The following NAALADL2 variants were observed in gnomAD, a reference collection of about 807,000 sequenced individuals.
NAALADL2 encodes the protein inactive N-acetylated-alpha-linked acidic dipeptidase-like protein 2.
Under a neutral mutation model 87.2 loss-of-function variants are expected in NAALADL2, and 76 were observed. The ratio of observed to expected loss-of-function variants is 0.87; its 90% CI spans 0.72 to 1.05. The LOEUF (loss-of-function observed/expected upper bound fraction) is 1.05, where lower values mean the gene tolerates loss of function less well. Ranked by LOEUF, NAALADL2 falls within the 50% of genes least tolerant of loss-of-function variation. The pLI is 0.00. For missense variants in NAALADL2, 1,089 were observed against 945.8 expected, an observed-to-expected ratio of 1.15 and a Z score of -1.99; for synonymous variants, 354 against 331.0, an observed-to-expected ratio of 1.07 and a Z score of -0.75.
At chr3:175,343,920 G>GCAA (rs1338406350) in intron 5 of NAALADL2, among the ~76,000 whole-genome samples, 1 of 151,848 alleles carries the variant, frequency 6.6e-6, no homozygotes, top group African/African-American at 2.4e-5. Context: ...GAAAGAGAAA[G>GCAA]CAACTAAACC....
At chr3:175,682,666 A>C (rs564096860) in intron 11 of NAALADL2, among the ~76,000 whole-genome samples, 6 of 152,056 alleles carry the variant, frequency 3.9e-5, no homozygotes, top group Non-Finnish European at 5.9e-5. Flanking sequence ...ATAGCCCCTT[A>C]AACAACTTAT....
intron 11 of NAALADL2, among the ~76,000 whole-genome samples, chr3:175,657,459 A>C (rs1731627825): frequency 6.6e-6 from 1 of 152,140 alleles, no homozygotes; most frequent in Non-Finnish European, 1.5e-5. Flanking sequence ...AAAGACATTA[A>C]AATAAAATGT....
intron 3 of NAALADL2, among the ~76,000 whole-genome samples, chr3:175,245,696 G>A (rs1747847588): frequency 6.6e-6 from 1 of 152,134 alleles, no homozygotes; most frequent in African/African-American, 2.4e-5. Context: ...ATAAAATTGA[G>A]AAGTCACCCC....
intron 2 of NAALADL2, among the ~76,000 whole-genome samples, chr3:174,576,562 G>A (rs188144065): frequency 1.3e-5 from 2 of 152,272 alleles, no homozygotes; most frequent in East Asian, 1.9e-4. Context: ...TGCATTATAT[G>A]TATTTACTGC....
At chr3:175,641,308 G>A (rs2149759555) in intron 11 of NAALADL2, among the ~76,000 whole-genome samples, 1 of 152,160 alleles carries the variant, frequency 6.6e-6, no homozygotes, top group Non-Finnish European at 1.5e-5. Context: ...CTTACTTTTT[G>A]TAAGTTGTAA....
At chr3:175,004,126 AGCACTGGGAG>A (rs1748668857) in intron 1 of NAALADL2, among the ~76,000 whole-genome samples, 1 of 152,172 alleles carries the variant, frequency 6.6e-6, no homozygotes, top group African/African-American at 2.4e-5. Flanking sequence ...CTGTAATCCC[AGCACTGGGAG>A]GCCAAGGCAG....
chr3:175,468,458 T>A (rs1249380818), intron 8 of NAALADL2, among the ~76,000 whole-genome samples: 3 of 152,046 alleles, frequency 2.0e-5, no homozygotes, highest in Non-Finnish European at 4.4e-5. Context: ...TAAAGAACAG[T>A]TTAGGGAATA....
intron 1 of NAALADL2, among the ~76,000 whole-genome samples, chr3:174,461,856 T>C (rs1402857271): frequency 6.6e-6 from 1 of 152,054 alleles, no homozygotes; most frequent in Non-Finnish European, 1.5e-5. Flanking sequence ...TGTGAATGTG[T>C]GTGAGTTTAT....
intron 9 of NAALADL2, among the ~76,000 whole-genome samples, chr3:175,565,254 A>G (rs755224787): frequency 3.3e-5 from 5 of 152,222 alleles, no homozygotes; most frequent in Non-Finnish European, 5.9e-5. Context: ...GTAAAATGAA[A>G]TAAAAAGAAC....
intron 11 of NAALADL2, among the ~76,000 whole-genome samples, chr3:175,702,086 A>G (rs971548366): frequency 1.3e-5 from 2 of 152,148 alleles, no homozygotes; most frequent in Non-Finnish European, 1.5e-5. Context: ...CAGAAAATTT[A>G]TGAATATGTC....
chr3:175,573,568 C>T (rs1718402672), intron 9 of NAALADL2, among the ~76,000 whole-genome samples: 1 of 152,164 alleles, frequency 6.6e-6, no homozygotes, highest in African/African-American at 2.4e-5. Context: ...AAACAAAGAA[C>T]AACAACAAAA....
chr3:174,856,734 T>G (rs1025137533), upstream of NAALADL2, among the ~76,000 whole-genome samples: 2 of 152,110 alleles, frequency 1.3e-5, no homozygotes, highest in Admixed American at 1.3e-4. Context: ...AAAGAAAATT[T>G]TATTGAGGTT....
At chr3:174,607,554 T>C (rs979632137) in intron 2 of NAALADL2, among the ~76,000 whole-genome samples, 3 of 148,738 alleles carry the variant, frequency 2.0e-5, no homozygotes, top group African/African-American at 7.4e-5. Flanking sequence ...CCAACAAAGA[T>C]CAAAAGAGAC....
chr3:174,490,049 C>T (rs556405493), intron 1 of NAALADL2, among the ~76,000 whole-genome samples: 1 of 151,934 alleles, frequency 6.6e-6, no homozygotes, highest in Admixed American at 6.6e-5. Flanking sequence ...CCATTGCTAG[C>T]TATATATGAA....
intron 2 of NAALADL2, among the ~76,000 whole-genome samples, chr3:175,217,918 T>C (rs1272913344): frequency 6.6e-6 from 1 of 152,164 alleles, no homozygotes; most frequent in East Asian, 1.9e-4. Flanking sequence ...TTTGTACGTA[T>C]AGAAGCCATA....
intron 2 of NAALADL2, among the ~76,000 whole-genome samples, chr3:175,120,725 T>C (rs1726023772): frequency 6.6e-6 from 1 of 151,852 alleles, no homozygotes; most frequent in Admixed American, 6.6e-5. Context: ...TCAACACCTG[T>C]GCTGTATTGT....
chr3:175,083,809 T>A (rs1291313518), intron 1 of NAALADL2, among the ~76,000 whole-genome samples: 1 of 152,226 alleles, frequency 6.6e-6, no homozygotes, highest in Non-Finnish European at 1.5e-5. Flanking sequence ...ATGACAATTA[T>A]CTGACCCAAA....
intron 2 of NAALADL2, among the ~76,000 whole-genome samples, chr3:175,204,061 T>C (rs1367283413): frequency 6.6e-6 from 1 of 152,154 alleles, no homozygotes. Context: ...TTCCACAAGA[T>C]AGAGAAAGAA....
At chr3:175,216,314 T>C (rs1742513967) in intron 2 of NAALADL2, among the ~76,000 whole-genome samples, 1 of 152,190 alleles carries the variant, frequency 6.6e-6, no homozygotes, top group South Asian at 2.1e-4. Flanking sequence ...TTTAGCCTAA[T>C]TTTTGGTTCT....
Sources: gnomAD v4.1 joint callset for allele counts (sites outside exome capture counted in the v4.1 genomes callset) on GRCh38, gnomAD v4.1.1 for gene constraint, MANE v1.5 for transcripts, NCBI Gene and HGNC (gene_info 2026-07-23, HGNC 2026-07-21) for gene names.